Variants in ROBO2 observed in about 807,000 individuals in gnomAD.
ROBO2 encodes the protein roundabout homolog 2.
A neutral mutation model predicts 160.8 loss-of-function variants in ROBO2; 53 were observed. The observed-to-expected ratio is 0.33, with a 90% CI of 0.26 to 0.41. ROBO2 has a LOEUF of 0.41. Ranked by LOEUF, ROBO2 falls within the 10% of genes least tolerant of loss-of-function variation. The pLI is 1.00. For missense variants in ROBO2, 1,577 were observed against 1,722.4 expected (o/e 0.92, Z 1.49); for synonymous variants, 664 against 611.7 (o/e 1.09, Z -1.26).
intron 2 of ROBO2, among the ~76,000 whole-genome samples, chr3:77,452,826 C>T (rs2153563703): frequency 6.6e-6 from 1 of 152,210 alleles, no homozygotes; most frequent in Non-Finnish European, 1.5e-5. Context: ...AAATTAATCC[C>T]AGTTGCAGAA....
intron 2 of ROBO2, among the ~76,000 whole-genome samples, chr3:76,653,228 C>G (rs1165933692): frequency 6.6e-6 from 1 of 151,838 alleles, no homozygotes; most frequent in Non-Finnish European, 1.5e-5. Context: ...ATATTGTCTT[C>G]TTTTTGAGTA....
intron 2 of ROBO2, among the ~76,000 whole-genome samples, chr3:75,964,167 A>G (rs1949024161): frequency 6.6e-6 from 1 of 151,714 alleles, no homozygotes; most frequent in Non-Finnish European, 1.5e-5. Flanking sequence ...AAACAGAAGT[A>G]ACATTTTAAC....
At chr3:76,529,409 A>C (rs2082109645) in intron 2 of ROBO2, among the ~76,000 whole-genome samples, 2 of 152,106 alleles carry the variant, frequency 1.3e-5, no homozygotes, top group African/African-American at 4.8e-5. Context: ...GATGGTATTC[A>C]TGTACACTTT....
At position 76,555,358 on chromosome 3, in the gene ROBO2, GAGAAGAAGAAGAAGAAGA is replaced by G. The variant is rs58339602; in HGVS notation, c.110-542612_110-542595del. Among the ~76,000 whole-genome samples the G allele has an allele frequency of 1.7e-3, 101 of 57,940 alleles. 2 individuals carry two copies. The highest frequency in any genetic ancestry group is 2.8e-3 in the Admixed American group (14 of 4,986). 38.0% of individuals were successfully genotyped at this position (57,940 alleles called of 152,430 possible). On this transcript the variant is annotated intron_variant, in intron 2 of 26. Transcript: ENST00000487694. ...AGGAAGAGGAGGAAGAGTAGGAAGA[GAGAAGAAGAAGAAGAAGA>G]AGAAGAAGAAGAAGAAGAAGAAGAA... is the stretch of plus-strand genomic sequence containing the variant.
At position 77,611,276 on chromosome 3, in the gene ROBO2, C is replaced by T. The variant is rs151045929; in HGVS notation, c.3293+3322C>T. Among the ~76,000 whole-genome samples, 494 of 143,384 alleles carry T rather than the reference C, an allele frequency of 3.4e-3. 2 individuals are homozygous for T. The highest frequency in any genetic ancestry group is 0.016 in the East Asian group (75 of 4,810). The allele number at this position is 143,384 out of a possible 152,430, so 94.1% of individuals were successfully genotyped here. On this transcript the variant is annotated intron_variant, in intron 21 of 25. Coordinates refer to ENST00000461745, the Ensembl canonical transcript of ROBO2. Reference sequence around the variant, plus strand: ...TTGGGCCACTGCACTCCAGCCTGGGCGACAGAGCGAGACTCTGTCTCAAAA... The same window carrying T: ...TTGGGCCACTGCACTCCAGCCTGGGTGACAGAGCGAGACTCTGTCTCAAAA...
At chr3:76,452,617 T>G (rs2109292324) in intron 2 of ROBO2, among the ~76,000 whole-genome samples, 1 of 152,324 alleles carries the variant, frequency 6.6e-6, no homozygotes, top group South Asian at 2.1e-4. Flanking sequence ...CTATTGTGAA[T>G]AGTGCCGCAA....
intron 2 of ROBO2, among the ~76,000 whole-genome samples, chr3:77,402,126 G>T (rs2075850621): frequency 1.3e-5 from 2 of 152,132 alleles, no homozygotes; most frequent in African/African-American, 4.8e-5. Context: ...CATGTCCTTT[G>T]CAGGGATATG....
exon 26 of ROBO2, chr3:77,646,169 TG>T (rs1272437383): frequency 1.5e-6 from 1 of 683,224 alleles, no homozygotes; most frequent in East Asian, 2.9e-5. Flanking sequence ...TTAAAAGAAC[TG>T]TAAATGCAAT....
chr3:76,535,104 T>C (rs2082422196), intron 2 of ROBO2, among the ~76,000 whole-genome samples: 1 of 151,782 alleles, frequency 6.6e-6, no homozygotes, highest in Non-Finnish European at 1.5e-5. Flanking sequence ...GGAGGAGGGA[T>C]GCAAGGGGTT....
chr3:75,968,955 A>T (rs1284072797), intron 2 of ROBO2, among the ~76,000 whole-genome samples: 6 of 150,228 alleles, frequency 4.0e-5, no homozygotes, highest in Non-Finnish European at 7.4e-5. Flanking sequence ...TAGCACATAG[A>T]ATAGCCACCA....
chr3:75,952,858 C>G (rs1445042145), intron 2 of ROBO2, among the ~76,000 whole-genome samples: 1 of 151,880 alleles, frequency 6.6e-6, no homozygotes, highest in Non-Finnish European at 1.5e-5. Context: ...CATGGTTTTG[C>G]TTTTTCCAGA....
At chr3:77,028,982 C>T (rs539427177) in intron 2 of ROBO2, among the ~76,000 whole-genome samples, 1 of 152,310 alleles carries the variant, frequency 6.6e-6, no homozygotes, top group Admixed American at 6.5e-5. Context: ...AATTGATCAG[C>T]ATATCTACTG....
intron 2 of ROBO2, among the ~76,000 whole-genome samples, chr3:77,234,556 G>T (rs2087677915): frequency 6.6e-6 from 1 of 151,974 alleles, no homozygotes; most frequent in Non-Finnish European, 1.5e-5. Context: ...ATATTAGAAG[G>T]TTATCTGGCA....
At chr3:77,396,476 G>A (rs558474564) in intron 2 of ROBO2, among the ~76,000 whole-genome samples, 6 of 152,152 alleles carry the variant, frequency 3.9e-5, no homozygotes, top group East Asian at 1.9e-4. Context: ...TTAAGCTGTC[G>A]TACTCTTGTA....
At chr3:76,999,667 G>T (rs72902067) in intron 2 of ROBO2, among the ~76,000 whole-genome samples, 164 of 152,226 alleles carry the variant, frequency 1.1e-3, no homozygotes, top group African/African-American at 3.7e-3. Flanking sequence ...CAAGAAATGT[G>T]TGTCAAGACT....
intron 1 of ROBO2, chr3:75,937,373 A>G: frequency 2.2e-6 from 1 of 460,980 alleles, no homozygotes; most frequent in East Asian, 3.5e-5. Context: ...TGTAAGCAGG[A>G]TAATTCAGAA....
chr3:75,933,510 G>T (rs1947632883), intron 1 of ROBO2, among the ~76,000 whole-genome samples: 1 of 151,914 alleles, frequency 6.6e-6, no homozygotes, highest in Non-Finnish European at 1.5e-5. Context: ...CTTTGTTCCA[G>T]AGAGGATTTT....
chr3:77,274,082 G>A (rs1214516624), intron 2 of ROBO2, among the ~76,000 whole-genome samples: 1 of 151,872 alleles, frequency 6.6e-6, no homozygotes, highest in East Asian at 1.9e-4. Context: ...GGTTCTAGCT[G>A]ACTTTACCTG....
At chr3:75,960,714 T>G (rs1948879331) in intron 2 of ROBO2, among the ~76,000 whole-genome samples, 1 of 151,752 alleles carries the variant, frequency 6.6e-6, no homozygotes. Context: ...ACTAAGACAG[T>G]AGGCAAGTAA....
Sources: gnomAD v4.1 joint callset for allele counts (sites outside exome capture counted in the v4.1 genomes callset) on GRCh38, gnomAD v4.1.1 for gene constraint, MANE v1.5 for transcripts, NCBI Gene and HGNC (gene_info 2026-07-23, HGNC 2026-07-21) for gene names.